Variants in CCSER2 observed in about 807,000 individuals in gnomAD.
CCSER2 encodes the protein serine-rich coiled-coil domain-containing protein 2.
In CCSER2, 46 loss-of-function variants were observed where a neutral mutation model predicts 92.3. That is an observed-to-expected ratio of 0.50 (90% CI 0.39 to 0.64). CCSER2 has a LOEUF of 0.64. Among genes scored for constraint, CCSER2 ranks in the 30% least tolerant of loss-of-function variants. The pLI, the probability that CCSER2 is intolerant of heterozygous loss-of-function variation, is 0.00. For missense variants in CCSER2, 1,244 were observed against 1,238.9 expected (o/e 1.00, Z -0.06); for synonymous variants, 433 against 431.4 (o/e 1.00, Z -0.04).
At chr10:84,488,613 A>G (rs954296295) in intron 9 of CCSER2, among the ~76,000 whole-genome samples, 8 of 152,058 alleles carry the variant, frequency 5.3e-5, no homozygotes, top group Admixed American at 6.6e-5. Flanking sequence ...AATTGCGTCT[A>G]TTTGATTCTT....
intron 6 of CCSER2, among the ~76,000 whole-genome samples, chr10:84,454,079 C>G (rs1845456097): frequency 6.6e-6 from 1 of 152,120 alleles, no homozygotes; most frequent in Admixed American, 6.5e-5. Context: ...GTTCTGGAGG[C>G]TAGAAATCCA....
intron 1 of CCSER2, among the ~76,000 whole-genome samples, chr10:84,362,834 A>T (rs529740755): frequency 3.1e-4 from 46 of 150,386 alleles, no homozygotes; most frequent in Non-Finnish European, 4.4e-4. Flanking sequence ...TTTTATTTTA[A>T]TTTATTTTAT....
At chr10:84,430,238 A>G (rs1194137155) in intron 5 of CCSER2, among the ~76,000 whole-genome samples, 2 of 152,046 alleles carry the variant, frequency 1.3e-5, no homozygotes, top group Admixed American at 6.5e-5. Flanking sequence ...TTAGAGTTTC[A>G]AAGTCAGCCA....
chr10:84,331,514 T>C (rs1843561280), intron 1 of CCSER2, among the ~76,000 whole-genome samples: 1 of 152,226 alleles, frequency 6.6e-6, no homozygotes, highest in Non-Finnish European at 1.5e-5. Context: ...TAAGTTTTGA[T>C]GGTACAATGA....
chr10:84,414,416 T>G (rs1306154124), intron 3 of CCSER2, among the ~76,000 whole-genome samples: 2 of 152,224 alleles, frequency 1.3e-5, no homozygotes, highest in Non-Finnish European at 2.9e-5. Context: ...AAGCTTAGTT[T>G]GGCTGGATAT....
intron 3 of CCSER2, among the ~76,000 whole-genome samples, chr10:84,401,433 T>G (rs1191611154): frequency 4.6e-5 from 7 of 152,134 alleles, no homozygotes; most frequent in African/African-American, 1.7e-4. Flanking sequence ...CACATAAATT[T>G]TTACTACTTG....
At chr10:84,493,454 G>A (rs1241591408) in intron 9 of CCSER2, among the ~76,000 whole-genome samples, 1 of 152,146 alleles carries the variant, frequency 6.6e-6, no homozygotes, top group African/African-American at 2.4e-5. Context: ...CAAGGATCCT[G>A]CTCTTTTATA....
At chr10:84,459,873 C>T (rs1845996622) in intron 6 of CCSER2, among the ~76,000 whole-genome samples, 1 of 151,868 alleles carries the variant, frequency 6.6e-6, no homozygotes, top group Admixed American at 6.6e-5. Flanking sequence ...TTATTCCTAG[C>T]TTTCTGAGTT....
At chr10:84,353,896 C>CA (rs751018240) in intron 1 of CCSER2, among the ~76,000 whole-genome samples, 3 of 151,700 alleles carry the variant, frequency 2.0e-5, no homozygotes, top group Admixed American at 6.6e-5. Flanking sequence ...AACAAAAAAA[C>CA]AAAAAAACAA....
intron 5 of CCSER2, 133 bp downstream of exon 5, chr10:84,426,026 T>G: frequency 4.0e-6 from 2 of 496,322 alleles, no homozygotes; most frequent in African/African-American, 2.0e-5. Flanking sequence ...CACTTCAAGT[T>G]TTATGTGGTA....
At chr10:84,414,311 CTTCCGTCA>C (rs371805841) in intron 3 of CCSER2, among the ~76,000 whole-genome samples, 2 of 152,288 alleles carry the variant, frequency 1.3e-5, no homozygotes, top group Non-Finnish European at 2.9e-5. Flanking sequence ...ATATTTAGTG[CTTCCGTCA>C]GGAGCTCTTG....
At chr10:84,504,831 T>C (rs1848958896) in intron 9 of CCSER2, among the ~76,000 whole-genome samples, 1 of 152,192 alleles carries the variant, frequency 6.6e-6, no homozygotes, top group Non-Finnish European at 1.5e-5. Flanking sequence ...ATAAGGAAGA[T>C]GCAAATAAAT....
chr10:84,392,605 A>G (rs116843251), intron 3 of CCSER2, among the ~76,000 whole-genome samples: 1 of 152,170 alleles, frequency 6.6e-6, no homozygotes, highest in Non-Finnish European at 1.5e-5. Context: ...CAGAACTAAT[A>G]TAGTTAAAAT....
chr10:84,445,206 T>A (rs972378704), intron 6 of CCSER2, among the ~76,000 whole-genome samples: 1 of 152,104 alleles, frequency 6.6e-6, no homozygotes, highest in African/African-American at 2.4e-5. Flanking sequence ...CAGGCTGGAG[T>A]GCAGTGGTGC....
In CCSER2 at chr10:84,425,856, G is replaced by C; in HGVS notation, c.1831G>C (p.Asp611His). The change falls in exon 5 of 10, where the codon GAC becomes CAC. Residue 611 changes from aspartate to histidine, a missense_variant. Coordinates refer to ENST00000372088, the MANE Select transcript of CCSER2 (RefSeq NM_001284240.2). Reference sequence around the variant, plus strand: ...GGAGCATTACCACCTCAGCCACCCTGACCACTATCATCACCATGGAAAAAG... The same window carrying C: ...GGAGCATTACCACCTCAGCCACCCTCACCACTATCATCACCATGGAAAAAG... The part of the protein sequence containing the change: ...GQEHYHLSHP[D>H]HYHHHGKSDL... 2 of 1,611,644 alleles carry C rather than the reference G, an allele frequency of 1.2e-6. No homozygotes were observed. The highest frequency in any genetic ancestry group is 1.7e-6 in the Non-Finnish European group (2 of 1,178,666).
intron 3 of CCSER2, among the ~76,000 whole-genome samples, chr10:84,399,405 A>G (rs1250431567): frequency 6.6e-6 from 1 of 152,094 alleles, no homozygotes. Flanking sequence ...GTGTATGTGT[A>G]TTTCCCACAC....
chr10:84,385,136 C>T (rs1841127674), intron 3 of CCSER2, among the ~76,000 whole-genome samples: 1 of 152,070 alleles, frequency 6.6e-6, no homozygotes, highest in South Asian at 2.1e-4. Flanking sequence ...TGAAACATTT[C>T]ATTCTTATGG....
intron 1 of CCSER2, among the ~76,000 whole-genome samples, chr10:84,340,613 A>C (rs989716801): frequency 6.6e-6 from 1 of 151,688 alleles, no homozygotes; most frequent in Non-Finnish European, 1.5e-5. Context: ...TTTTTGTCTG[A>C]ATTTTTTTCC....
intron 1 of CCSER2, among the ~76,000 whole-genome samples, chr10:84,341,061 G>A (rs1268601113): frequency 9.4e-5 from 10 of 106,592 alleles, no homozygotes; most frequent in Admixed American, 4.5e-4. Flanking sequence ...TTTTTTTTGA[G>A]ACAGTGTCTT....
Sources: allele counts gnomAD v4.1 joint callset (sites outside exome capture counted in the v4.1 genomes callset), GRCh38; gene constraint gnomAD v4.1.1; transcripts MANE v1.5; gene names NCBI Gene and HGNC (gene_info 2026-07-23, HGNC 2026-07-21).